SLIT2: variants seen among roughly 807,000 people sequenced by gnomAD.
SLIT2 encodes the protein slit homolog 2 protein.
In SLIT2, 41 loss-of-function variants were observed where a neutral mutation model predicts 185.7. That is an observed-to-expected ratio of 0.22 (90% CI 0.17 to 0.29). The LOEUF (loss-of-function observed/expected upper bound fraction) is 0.29, where lower values mean the gene tolerates loss of function less well. Among genes scored for constraint, SLIT2 ranks in the 10% least tolerant of loss-of-function variants. The pLI, the probability that SLIT2 is intolerant of heterozygous loss-of-function variation, is 1.00. For synonymous variants in SLIT2, 693 were observed against 680.2 expected (o/e 1.02, Z -0.29); for missense variants, 1,571 against 1,909.0 (o/e 0.82, Z 3.30).
Position 20,253,238 on chromosome 4 carries a change from AC to A in SLIT2, c.-573del. On this transcript the variant is annotated 5_prime_UTR_variant, in exon 1 of 37. Coordinates refer to ENST00000504154, the MANE Select transcript of SLIT2 (RefSeq NM_004787.4). ...CCAGAACTGCGCGTCCGCCCCGTGC[AC>A]CCCCGCGCGCCATGCCCAGTTGCCC... 6.5e-6 allele frequency: 1 copy of A among 154,904 alleles called. No individual in the cohort carries two copies. The highest frequency in any genetic ancestry group is 1.4e-5 in the Non-Finnish European group (1 of 69,990). 9.6% of individuals were successfully genotyped at this position (154,904 alleles called of 1,614,324 possible).
At chr4:20,265,949 C>A (rs886168004) in intron 3 of SLIT2, among the ~76,000 whole-genome samples, 1 of 151,832 alleles carries the variant, frequency 6.6e-6, no homozygotes, top group African/African-American at 2.4e-5. Context: ...CACCTTTATT[C>A]AGGCCCTAGC....
intron 29 of SLIT2, among the ~76,000 whole-genome samples, chr4:20,571,910 C>T (rs1045266371): frequency 3.9e-5 from 6 of 152,128 alleles, no homozygotes; most frequent in East Asian, 1.9e-4. Context: ...AGAGTCAGAA[C>T]GGACATTATG....
At position 20,375,793 on chromosome 4, in the gene SLIT2, GA is replaced by G. The variant is rs545349580; in HGVS notation, c.396-91950del. 9.5e-4 allele frequency among the ~76,000 whole-genome samples: 141 copies of G among 148,846 alleles called. 1 individual carries two copies. The highest frequency in any genetic ancestry group is 3.2e-3 in the African/African-American group (130 of 40,694). On this transcript the variant is annotated intron_variant, in intron 4 of 36. Transcript: ENST00000504154. ...TTTTATACTTTGTAGATGTCTGAAG[GA>G]AAAAAAAAGGGACAGTGTCATACAT... is the stretch of plus-strand genomic sequence containing the variant.
At chr4:20,514,505 C>G (rs1003134070) in intron 11 of SLIT2, among the ~76,000 whole-genome samples, 2 of 151,944 alleles carry the variant, frequency 1.3e-5, no homozygotes, top group Non-Finnish European at 2.9e-5. Flanking sequence ...GTCAGTCAGA[C>G]ATGGTGGTGC....
At chr4:20,472,338 CTA>C (rs1273786932) in intron 5 of SLIT2, among the ~76,000 whole-genome samples, 8 of 17,122 alleles carry the variant, frequency 4.7e-4, no homozygotes, top group African/African-American at 5.8e-4. Context: ...ATATATAGAT[CTA>C]TATATAGATA....
At chr4:20,414,047 C>T (rs1727467104) in intron 4 of SLIT2, among the ~76,000 whole-genome samples, 2 of 151,986 alleles carry the variant, frequency 1.3e-5, no homozygotes, top group Non-Finnish European at 2.9e-5. Flanking sequence ...TCTCTTATTG[C>T]TTCCATAGTC....
intron 11 of SLIT2, among the ~76,000 whole-genome samples, chr4:20,517,685 T>A (rs1720335757): frequency 6.6e-6 from 1 of 152,188 alleles, no homozygotes; most frequent in Non-Finnish European, 1.5e-5. Context: ...CTTTACACTA[T>A]AATAGCACCC....
chr4:20,260,259 G>C (rs1374953006), intron 3 of SLIT2, among the ~76,000 whole-genome samples: 1 of 151,860 alleles, frequency 6.6e-6, no homozygotes, highest in African/African-American at 2.4e-5. Context: ...AAAGCTGCAA[G>C]AGACAATGTG....
At chr4:20,409,351 C>G (rs142897740) in intron 4 of SLIT2, among the ~76,000 whole-genome samples, 6 of 152,148 alleles carry the variant, frequency 3.9e-5, no homozygotes, top group African/African-American at 1.4e-4. Flanking sequence ...TGTTAGTTTG[C>G]TGAGGATAAT....
At chr4:20,559,431 T>C (rs78662344) in intron 26 of SLIT2, among the ~76,000 whole-genome samples, 2,238 of 152,048 alleles carry the variant, frequency 0.015, 43 homozygotes, top group South Asian at 0.077. Flanking sequence ...AAACTTACAG[T>C]GCCCTTTGCC....
intron 7 of SLIT2, among the ~76,000 whole-genome samples, chr4:20,486,579 T>C (rs1436600340): frequency 6.6e-6 from 1 of 152,142 alleles, no homozygotes; most frequent in Non-Finnish European, 1.5e-5. Context: ...TCAGAAATGA[T>C]AAATGGGAAA....
chr4:20,571,498 C>T (rs1392168803), intron 29 of SLIT2, among the ~76,000 whole-genome samples: 4 of 152,118 alleles, frequency 2.6e-5, no homozygotes, highest in Non-Finnish European at 4.4e-5. Flanking sequence ...TTCTAACAAC[C>T]ATCTGCGGAT....
At chr4:20,569,089 A>T (rs1320549097) in intron 29 of SLIT2, 85 bp downstream of exon 29, 2 of 1,151,424 alleles carry the variant, frequency 1.7e-6, no homozygotes, top group Non-Finnish European at 2.6e-6. Flanking sequence ...TGTTTAGTAA[A>T]TCTTTTTTTA....
chr4:20,479,244 T>C (rs1242363924), intron 5 of SLIT2, among the ~76,000 whole-genome samples: 1 of 152,188 alleles, frequency 6.6e-6, no homozygotes, highest in African/African-American at 2.4e-5. Flanking sequence ...ATTGTCTATA[T>C]ACATAATTTC....
chr4:20,559,548 T>G (rs1724528078), intron 26 of SLIT2, among the ~76,000 whole-genome samples: 1 of 152,008 alleles, frequency 6.6e-6, no homozygotes, highest in Non-Finnish European at 1.5e-5. Context: ...TAGTTGCCAA[T>G]ACTACTACCA....
chr4:20,440,589 G>T (rs937179597), intron 4 of SLIT2, among the ~76,000 whole-genome samples: 2 of 152,070 alleles, frequency 1.3e-5, no homozygotes, highest in African/African-American at 4.8e-5. Context: ...ATAAAAATGG[G>T]ACAGCTCCAA....
chr4:20,334,324 T>C (rs1720312899), intron 4 of SLIT2, among the ~76,000 whole-genome samples: 1 of 152,096 alleles, frequency 6.6e-6, no homozygotes, highest in African/African-American at 2.4e-5. Context: ...AACTATGTTT[T>C]AAAAGTTCAT....
chr4:20,503,996 A>G (rs576113563), intron 9 of SLIT2, among the ~76,000 whole-genome samples: 6 of 152,292 alleles, frequency 3.9e-5, no homozygotes, highest in Admixed American at 3.3e-4. Flanking sequence ...TGGAAACTGC[A>G]ATTATAAAAC....
rs1224205637 is a variant in SLIT2 at position 20,553,905 on chromosome 4, G to A, written c.2662G>A (p.Gly888Ser). The change falls in exon 26 of 37, where the codon GGT (glycine) becomes AGT (serine). Residue 888 changes from glycine (G) to serine (S), a missense_variant. Around this residue, in one of 3 missense-constraint regions of SLIT2, gnomAD observed 1,202 missense variants for 1,416.4 expected, o/e 0.85. Coordinates refer to ENST00000504154, the MANE Select transcript of SLIT2 (RefSeq NM_004787.4). ...YKEPGIARCA[G>S]PGEMADKLLL... ...GGAGCCTGGAATTGCTCGTTGTGCTGGTCCTGGAGAAATGGCAGATAAACT... is the reference window on the plus strand; with the variant it reads ...GGAGCCTGGAATTGCTCGTTGTGCTAGTCCTGGAGAAATGGCAGATAAACT... 1.9e-6 allele frequency: 3 copies of A among 1,612,326 alleles called. No individual in the cohort carries two copies. The highest frequency in any genetic ancestry group is 1.7e-5 in the Admixed American group (1 of 59,558).
Sources: allele counts gnomAD v4.1 joint callset (sites outside exome capture counted in the v4.1 genomes callset), GRCh38; gene constraint gnomAD v4.1.1; regional missense constraint gnomAD v4.1.1; transcripts MANE v1.5; gene names NCBI Gene and HGNC (gene_info 2026-07-23, HGNC 2026-07-21).